PPP3CA: variants seen among roughly 807,000 people sequenced by gnomAD.
The protein encoded by PPP3CA is CAM-PRP catalytic subunit.
In PPP3CA, 14 loss-of-function variants were observed where a neutral mutation model predicts 66.5. The ratio of observed to expected loss-of-function variants is 0.21; its 90% CI spans 0.14 to 0.33. The LOEUF (loss-of-function observed/expected upper bound fraction) is 0.33, where lower values mean the gene tolerates loss of function less well. Ranked by LOEUF, PPP3CA falls within the 10% of genes least tolerant of loss-of-function variation. The pLI is 1.00. For missense variants in PPP3CA, 317 were observed against 639.5 expected (o/e 0.50, Z 5.44); for synonymous variants, 232 against 226.2 (o/e 1.03, Z -0.23).
chr4:101,091,862 A>AATAATG (rs1471057948), intron 6 of PPP3CA, among the ~76,000 whole-genome samples: 3 of 135,826 alleles, frequency 2.2e-5, no homozygotes, highest in East Asian at 2.0e-4. Context: ...TAATAATAAT[A>AATAATG]ATGAAGAAGA....
intron 1 of PPP3CA, among the ~76,000 whole-genome samples, chr4:101,271,275 A>C (rs1727329427): frequency 6.6e-6 from 1 of 152,170 alleles, no homozygotes; most frequent in South Asian, 2.1e-4. Flanking sequence ...AGTAAGTTAT[A>C]TCTTATATAG....
At chr4:101,109,449 T>G (rs1721589346) in intron 2 of PPP3CA, among the ~76,000 whole-genome samples, 1 of 151,964 alleles carries the variant, frequency 6.6e-6, no homozygotes. Context: ...GAGATATGTT[T>G]TCATTTTGCA....
chr4:101,048,184 C>A (rs531880727), intron 10 of PPP3CA, among the ~76,000 whole-genome samples: 1 of 151,994 alleles, frequency 6.6e-6, no homozygotes, highest in Non-Finnish European at 1.5e-5. Context: ...AAAGAGGAGG[C>A]GGGAAAGGAG....
At chr4:101,222,947 CAA>C in intron 1 of PPP3CA, among the ~76,000 whole-genome samples, 1 of 151,646 alleles carries the variant, frequency 6.6e-6, no homozygotes, top group East Asian at 1.9e-4. Flanking sequence ...GCACTTAATC[CAA>C]AAATCATTTG....
chr4:101,327,956 A>T (rs1729257148), intron 1 of PPP3CA, among the ~76,000 whole-genome samples: 1 of 152,224 alleles, frequency 6.6e-6, no homozygotes, highest in South Asian at 2.1e-4. Flanking sequence ...ATATATTTGA[A>T]GTTCAGGGTC....
intron 11 of PPP3CA, among the ~76,000 whole-genome samples, chr4:101,036,248 T>C (rs1027829029): frequency 1.3e-5 from 2 of 152,226 alleles, no homozygotes; most frequent in Non-Finnish European, 2.9e-5. Context: ...AAATTTAAAA[T>C]GACAGATGTG....
intron 2 of PPP3CA, among the ~76,000 whole-genome samples, chr4:101,172,055 T>C (rs1483591128): frequency 6.6e-6 from 1 of 152,110 alleles, no homozygotes; most frequent in Non-Finnish European, 1.5e-5. Flanking sequence ...GCATTAGTGC[T>C]CTATCAAAGT....
In PPP3CA at chr4:101,344,921, C is replaced by G. The variant is rs1729931741; in HGVS notation, c.58+1818G>C. Among the ~76,000 whole-genome samples the G allele has an allele frequency of 1.2e-4, 18 of 152,284 alleles. No individual in the cohort carries two copies. The South Asian group carries it at 3.7e-3, about 32-fold the overall frequency. ...AACCTAGATTGGAGCTACATCTAAA[C>G]TTCACACATTAAGGAGATAATTGTC... On this transcript the variant is annotated intron_variant, in intron 1 of 13. Coordinates refer to ENST00000394854, the MANE Select transcript of PPP3CA (RefSeq NM_000944.5).
At chr4:101,299,691 A>G (rs1728313400) in intron 1 of PPP3CA, among the ~76,000 whole-genome samples, 1 of 152,218 alleles carries the variant, frequency 6.6e-6, no homozygotes, top group Admixed American at 6.5e-5. Context: ...AAGGACAGAC[A>G]CTTGTCTTTT....
intron 6 of PPP3CA, among the ~76,000 whole-genome samples, chr4:101,088,284 T>C (rs114548884): frequency 0.013 from 1,991 of 152,278 alleles, 47 homozygotes; most frequent in African/African-American, 0.046. Context: ...ACTCAGCATC[T>C]ATAAAACTTA....
intron 2 of PPP3CA, among the ~76,000 whole-genome samples, chr4:101,144,546 T>A (rs760940710): frequency 6.6e-6 from 1 of 152,218 alleles, no homozygotes; most frequent in Non-Finnish European, 1.5e-5. Context: ...CACAAAGTTA[T>A]TCACTTTGAA....
chr4:101,061,494 A>G (rs940900626), intron 9 of PPP3CA, among the ~76,000 whole-genome samples: 1 of 152,114 alleles, frequency 6.6e-6, no homozygotes. Flanking sequence ...TCACACAATG[A>G]TAAGGCTTAA....
chr4:101,347,116 G>C lies in PPP3CA; in HGVS notation c.-320C>G. ...TTCTTCTTTTATTCTTGGGGGAAGG[G>C]GGATGGGGAGGAGAAGCGCACACAC... On this transcript the variant is annotated 5_prime_UTR_variant, in exon 1 of 14. Coordinates refer to ENST00000394854, the MANE Select transcript of PPP3CA (RefSeq NM_000944.5). 1 of 483,436 alleles carries C rather than the reference G, an allele frequency of 2.1e-6. No individual in the cohort carries two copies. The highest frequency in any genetic ancestry group is 2.1e-5 in the South Asian group (1 of 48,250). The allele number at this position is 483,436 out of a possible 1,614,324, so 29.9% of individuals were successfully genotyped here.
chr4:101,283,474 A>T (rs1043815668), intron 1 of PPP3CA, among the ~76,000 whole-genome samples: 1 of 152,242 alleles, frequency 6.6e-6, no homozygotes, highest in Admixed American at 6.5e-5. Flanking sequence ...AATTAGCAAT[A>T]AAAAAGGTAA....
chr4:101,158,550 T>C (rs1184576844), intron 2 of PPP3CA, among the ~76,000 whole-genome samples: 1 of 152,240 alleles, frequency 6.6e-6, no homozygotes, highest in Non-Finnish European at 1.5e-5. Flanking sequence ...TATCATATTA[T>C]AATTAAATGT....
chr4:101,213,598 A>C, intron 1 of PPP3CA, among the ~76,000 whole-genome samples: 1 of 152,164 alleles, frequency 6.6e-6, no homozygotes, highest in Admixed American at 6.6e-5. Context: ...ATAAGACACT[A>C]TCCACATATG....
chr4:101,236,790 A>C (rs1726145342), intron 1 of PPP3CA, among the ~76,000 whole-genome samples: 1 of 151,840 alleles, frequency 6.6e-6, no homozygotes, highest in Admixed American at 6.6e-5. Flanking sequence ...CAGAAGTCTT[A>C]AGTGACACAG....
chr4:101,091,821 CTAATAATAATAATAATAA>C (rs34522517), intron 6 of PPP3CA, among the ~76,000 whole-genome samples: 8 of 138,830 alleles, frequency 5.8e-5, no homozygotes, highest in Admixed American at 1.5e-4. Context: ...TCTTCAGTAT[CTAATAATAATAATAATAA>C]TAATAATAAT....
intron 5 of PPP3CA, 80 bp downstream of exon 5, chr4:101,098,287 A>G: frequency 7.1e-7 from 1 of 1,399,282 alleles, no homozygotes; most frequent in Non-Finnish European, 9.5e-7. Context: ...AAAGTCAGTG[A>G]TAAAGGCAGG....
Sources: gnomAD v4.1 joint callset for allele counts (sites outside exome capture counted in the v4.1 genomes callset) on GRCh38, gnomAD v4.1.1 for gene constraint, MANE v1.5 for transcripts, NCBI Gene and HGNC (gene_info 2026-07-23, HGNC 2026-07-21) for gene names.